MSRA: variants seen among roughly 807,000 people sequenced by gnomAD.
MSRA encodes methionine sulfoxide reductase A.
A neutral mutation model predicts 31.3 loss-of-function variants in MSRA; 54 were observed. That is an observed-to-expected ratio of 1.73 (90% CI 1.39 to 2.17). MSRA has a LOEUF of 2.17. MSRA is among the 30% of genes most tolerant of loss of function. MSRA has a pLI of 0.00. For synonymous variants in MSRA, 169 were observed against 116.5 expected (o/e 1.45, Z -2.90); for missense variants, 507 against 300.9 (o/e 1.69, Z -5.07).
At chr8:10,116,742 C>A (rs1282486852) in intron 1 of MSRA, among the ~76,000 whole-genome samples, 3 of 152,002 alleles carry the variant, frequency 2.0e-5, no homozygotes, top group Non-Finnish European at 4.4e-5. Flanking sequence ...CTGAGGCAGG[C>A]GGATCACCTG....
At chr8:10,339,157 T>G (rs895365435) in intron 5 of MSRA, among the ~76,000 whole-genome samples, 1 of 152,232 alleles carries the variant, frequency 6.6e-6, no homozygotes, top group Non-Finnish European at 1.5e-5. Context: ...TCCCTGCCTT[T>G]CCTAGCCCCT....
At chr8:10,107,522 C>A (rs932130809) in intron 1 of MSRA, among the ~76,000 whole-genome samples, 1 of 152,160 alleles carries the variant, frequency 6.6e-6, no homozygotes, top group Admixed American at 6.5e-5. Context: ...TTTCATCTTC[C>A]ACCTGGATTC....
At chr8:10,280,800 G>A (rs1355783126) in intron 3 of MSRA, among the ~76,000 whole-genome samples, 1 of 152,080 alleles carries the variant, frequency 6.6e-6, no homozygotes, top group African/African-American at 2.4e-5. Flanking sequence ...CGTGTGAATG[G>A]GTAAATAAAA....
intron 3 of MSRA, among the ~76,000 whole-genome samples, chr8:10,292,236 G>C (rs1015765977): frequency 2.6e-5 from 4 of 152,182 alleles, no homozygotes; most frequent in African/African-American, 7.2e-5. Context: ...TGGAGCTGGG[G>C]TCCATACAGA....
In MSRA at chr8:10,304,293, G is replaced by C. The variant is rs74933383; in HGVS notation, c.436+2655G>C. On this transcript the variant is annotated intron_variant, in intron 4 of 5. Transcript: ENST00000317173. ...GATACGCACGAGTATCCGGCCTCTT[G>C]GTTAATGCACATGGAAAATATATTC... is the stretch of plus-strand genomic sequence containing the variant. 1.2e-4 allele frequency among the ~76,000 whole-genome samples: 18 copies of C among 152,236 alleles called. No homozygotes were observed. The East Asian group carries it at 3.5e-3, about 29-fold the overall frequency.
rs544689995 is a variant in MSRA, at chr8:10,207,913, A to C, written c.211+12A>C. On this transcript the variant is annotated intron_variant, in intron 2 of 5. Transcript: ENST00000317173. Reference sequence around the variant, plus strand: ...GATGGCTGTATTTGGTAAGATATCAATTCTGAAAGAAAACCCAAATTGTGT... The same window carrying C: ...GATGGCTGTATTTGGTAAGATATCACTTCTGAAAGAAAACCCAAATTGTGT... The C allele has an allele frequency of 6.2e-7, 1 of 1,606,832 alleles. No homozygotes were observed. The highest frequency in any genetic ancestry group is 2.2e-5 in the East Asian group (1 of 44,774).
At chr8:10,394,816 A>C (rs769323914) in intron 5 of MSRA, among the ~76,000 whole-genome samples, 2 of 152,260 alleles carry the variant, frequency 1.3e-5, no homozygotes, top group African/African-American at 2.4e-5. Context: ...ACCTCCACCC[A>C]GTATCATGAT....
intron 1 of MSRA, among the ~76,000 whole-genome samples, chr8:10,104,145 C>G (rs990346147): frequency 6.6e-6 from 1 of 152,138 alleles, no homozygotes; most frequent in African/African-American, 2.4e-5. Context: ...CTGCTTTGTG[C>G]TACCCATGCT....
At chr8:10,389,623 G>A (rs1016503471) in intron 5 of MSRA, among the ~76,000 whole-genome samples, 8 of 152,158 alleles carry the variant, frequency 5.3e-5, no homozygotes, top group South Asian at 2.1e-4. Flanking sequence ...CCGGGGAGCA[G>A]GCCCTGCTTC....
chr8:10,078,297 T>A (rs1363342430), intron 1 of MSRA, among the ~76,000 whole-genome samples: 2 of 152,310 alleles, frequency 1.3e-5, no homozygotes, highest in East Asian at 3.9e-4. Flanking sequence ...ATACCCATGG[T>A]AGAGACCAGG....
At chr8:10,263,062 C>T (rs1798563789) in intron 3 of MSRA, among the ~76,000 whole-genome samples, 1 of 152,174 alleles carries the variant, frequency 6.6e-6, no homozygotes, top group Non-Finnish European at 1.5e-5. Flanking sequence ...ACCGGCTTGG[C>T]CTTTGCCAGT....
intron 1 of MSRA, among the ~76,000 whole-genome samples, chr8:10,056,450 C>A (rs564304082): frequency 6.6e-6 from 1 of 152,160 alleles, no homozygotes; most frequent in Admixed American, 6.5e-5. Context: ...TGGTTCTTTT[C>A]CAGGCTCTGC....
chr8:10,065,383 GT>G (rs945907318), intron 1 of MSRA, among the ~76,000 whole-genome samples: 3 of 152,022 alleles, frequency 2.0e-5, no homozygotes, highest in South Asian at 4.1e-4. Context: ...CTTAAAAAAT[GT>G]TTTTTTTCTT....
At chr8:10,182,990 A>G (rs1486065783) in intron 1 of MSRA, among the ~76,000 whole-genome samples, 3 of 152,176 alleles carry the variant, frequency 2.0e-5, no homozygotes, top group African/African-American at 7.2e-5. Flanking sequence ...TACTGTGTAG[A>G]CCAAGTCTTT....
intron 3 of MSRA, among the ~76,000 whole-genome samples, chr8:10,271,558 A>G (rs2129100624): frequency 1.2e-4 from 1 of 8,472 alleles, no homozygotes; most frequent in East Asian, 0.017. Context: ...CTTATATGCA[A>G]GAAACACCTG....
intron 3 of MSRA, among the ~76,000 whole-genome samples, chr8:10,273,101 A>G (rs1034355822): frequency 1.3e-5 from 2 of 152,230 alleles, no homozygotes; most frequent in Non-Finnish European, 2.9e-5. Context: ...ATTCACATGC[A>G]TATTTGAGAC....
Position 10,073,032 on chromosome 8 carries a change from A to T in MSRA, c.142+18374A>T, listed in dbSNP as rs1233968906. Among the ~76,000 whole-genome samples the T allele has an allele frequency of 3.3e-5, 5 of 152,298 alleles. No homozygotes were observed. The East Asian group carries it at 9.6e-4, about 29-fold the overall frequency. ...GATATTCTACATAGATAACCCTATC[A>T]CCTGGAAGTAGAGTTTTAATCTGTG... On this transcript the variant is annotated intron_variant, in intron 1 of 5. Transcript: ENST00000317173.
At chr8:10,320,142 T>C (rs535611669) in intron 5 of MSRA, 153 bp downstream of exon 5, 35 of 557,640 alleles carry the variant, frequency 6.3e-5, no homozygotes, top group African/African-American at 5.2e-4. Context: ...AGTGGAGCCA[T>C]TGTGTCTAAT....
intron 1 of MSRA, among the ~76,000 whole-genome samples, chr8:10,072,207 CT>C (rs1213994494): frequency 6.6e-6 from 1 of 152,116 alleles, no homozygotes; most frequent in African/African-American, 2.4e-5. Context: ...GATGAGGGCT[CT>C]TCATCTGTTG....
Sources: allele counts gnomAD v4.1 joint callset (sites outside exome capture counted in the v4.1 genomes callset), GRCh38; gene constraint gnomAD v4.1.1; transcripts MANE v1.5; gene names NCBI Gene and HGNC (gene_info 2026-07-23, HGNC 2026-07-21).